Variants in NBAS observed in about 807,000 individuals in gnomAD.
The protein encoded by NBAS is NBAS subunit of NRZ tethering complex.
A neutral mutation model predicts 302.5 loss-of-function variants in NBAS; 219 were observed. That is an observed-to-expected ratio of 0.72 (90% CI 0.65 to 0.81). The LOEUF is 0.81. Ranked by LOEUF, NBAS falls within the 30% of genes least tolerant of loss-of-function variation. The pLI is 0.00. For missense variants in NBAS, 2,932 were observed against 2,841.6 expected (o/e 1.03, Z -0.72); for synonymous variants, 1,118 against 1,021.6 (o/e 1.09, Z -1.80).
At chr2:15,037,929 T>C in the NBAS span, among the ~76,000 whole-genome samples, 1 of 152,260 alleles carries the variant, frequency 6.6e-6, no homozygotes, top group African/African-American at 2.4e-5. Context: ...TTGCTAATTG[T>C]GGTGCTGTGG....
intron 12 of NBAS, chr2:15,483,465 C>T (rs1680510483): frequency 4.0e-6 from 1 of 252,888 alleles, no homozygotes; most frequent in Non-Finnish European, 8.3e-6. Flanking sequence ...AATAATAAAA[C>T]TTGAGAGAAA....
chr2:15,358,914 C>T (rs562400399), intron 32 of NBAS, among the ~76,000 whole-genome samples: 6 of 152,090 alleles, frequency 3.9e-5, no homozygotes, highest in African/African-American at 7.2e-5. Context: ...TTCTGGCATG[C>T]GGGTTATTTC....
chr2:15,346,095 G>C (rs1028002263), intron 35 of NBAS, among the ~76,000 whole-genome samples: 3 of 152,118 alleles, frequency 2.0e-5, no homozygotes, highest in African/African-American at 7.2e-5. Flanking sequence ...ACATCGGCAA[G>C]GGCAAAGACT....
At chr2:14,893,012 T>A in the NBAS span, among the ~76,000 whole-genome samples, 1 of 152,242 alleles carries the variant, frequency 6.6e-6, no homozygotes, top group African/African-American at 2.4e-5. Flanking sequence ...AATGGTTAGC[T>A]AAAACTCAGC....
At chr2:14,784,065 T>G in the NBAS span, among the ~76,000 whole-genome samples, 1 of 152,172 alleles carries the variant, frequency 6.6e-6, no homozygotes, top group East Asian at 1.9e-4. Flanking sequence ...ATTTCTCTGA[T>G]GGCCAGTGAT....
At position 15,308,318 on chromosome 2, in the gene NBAS, G is replaced by T; in HGVS notation, c.4695C>A (p.Ser1565=). 2 of 1,614,064 alleles carry T rather than the reference G, an allele frequency of 1.2e-6. No individual in the cohort carries two copies. The highest frequency in any genetic ancestry group is 1.7e-6 in the Non-Finnish European group (2 of 1,180,004). Residue 1565 remains serine, a synonymous_variant, in exon 40 of 52, where the codon TCC becomes TCA. Coordinates refer to ENST00000281513, the MANE Select transcript of NBAS (RefSeq NM_015909.4). ...LDANRCFEKQ[S]PSALSLQLAA... is the part of the protein sequence containing the mutation. ...CCAGCTGGAGAGATAATGCAGAGGG[G>T]GACTGCTTTTCAAAGCACCGGTTAG...
the NBAS span, among the ~76,000 whole-genome samples, chr2:14,943,417 T>C: frequency 1.3e-5 from 2 of 152,226 alleles, no homozygotes; most frequent in African/African-American, 4.8e-5. Flanking sequence ...TAAAAAAGCG[T>C]ATCTGCTGTA....
chr2:14,811,079 C>CT, the NBAS span, among the ~76,000 whole-genome samples: 2 of 152,100 alleles, frequency 1.3e-5, no homozygotes, highest in African/African-American at 4.8e-5. Flanking sequence ...AAGATAGTGG[C>CT]TAATGATATA....
At chr2:15,083,634 A>G in the NBAS span, among the ~76,000 whole-genome samples, 31 of 152,266 alleles carry the variant, frequency 2.0e-4, no homozygotes, top group African/African-American at 7.5e-4. Flanking sequence ...TACCAACATA[A>G]TATACAGAAT....
intron 44 of NBAS, among the ~76,000 whole-genome samples, chr2:15,238,979 T>C (rs555831256): frequency 6.6e-6 from 1 of 152,292 alleles, no homozygotes; most frequent in African/African-American, 2.4e-5. Flanking sequence ...AGGAGTCATT[T>C]CTACAGCCAT....
intron 31 of NBAS, among the ~76,000 whole-genome samples, chr2:15,367,911 T>C (rs937551330): frequency 6.6e-6 from 1 of 152,206 alleles, no homozygotes; most frequent in African/African-American, 2.4e-5. Context: ...CCTTCACACA[T>C]GTCCATGTGC....
chr2:15,437,596 C>T (rs181720350), intron 21 of NBAS, among the ~76,000 whole-genome samples: 2 of 152,264 alleles, frequency 1.3e-5, no homozygotes, highest in Admixed American at 1.3e-4. Context: ...ATAAGTCTAA[C>T]ACACTTTAGT....
the NBAS span, among the ~76,000 whole-genome samples, chr2:15,131,315 C>A: frequency 6.6e-6 from 1 of 152,154 alleles, no homozygotes. Flanking sequence ...GAGAACGAGA[C>A]TATATTGCTT....
the NBAS span, among the ~76,000 whole-genome samples, chr2:15,096,212 C>T: frequency 2.0e-5 from 3 of 152,336 alleles, no homozygotes; most frequent in East Asian, 1.9e-4. Flanking sequence ...CAAAGCCCCA[C>T]ATTCATAACT....
chr2:15,220,114 CT>C (rs1666877320), intron 47 of NBAS, among the ~76,000 whole-genome samples: 2 of 147,910 alleles, frequency 1.4e-5, no homozygotes, highest in African/African-American at 5.0e-5. Flanking sequence ...GACGGGGCGG[CT>C]GGCCGGGCGG....
At chr2:15,238,847 A>G (rs1299761929) in intron 44 of NBAS, among the ~76,000 whole-genome samples, 161 bp from the exon 45 acceptor site, 2 of 152,194 alleles carry the variant, frequency 1.3e-5, no homozygotes, top group African/African-American at 4.8e-5. Flanking sequence ...AAGAAAACAA[A>G]AAGTGAGGTG....
In NBAS at chr2:15,503,307, T is replaced by G. The variant is rs566062538; in HGVS notation, c.954+838A>C. Among the ~76,000 whole-genome samples the G allele has an allele frequency of 3.3e-5, 5 of 152,282 alleles. No homozygotes were observed. The South Asian group carries it at 1.0e-3, about 32-fold the overall frequency. ...GTACAGTACAGTCAAGCCTTCCATA[T>G]CCACAGGTTCCACATCCTCTGATTC... On this transcript the variant is annotated intron_variant, in intron 11 of 51. Transcript: ENST00000281513.
chr2:15,237,129 A>G (rs1667630613), intron 45 of NBAS, among the ~76,000 whole-genome samples: 1 of 152,224 alleles, frequency 6.6e-6, no homozygotes, highest in South Asian at 2.1e-4. Context: ...GGCAAATGGA[A>G]TATTATTCAT....
the NBAS span, among the ~76,000 whole-genome samples, chr2:15,024,515 T>A: frequency 2.9e-4 from 44 of 152,190 alleles, 2 homozygotes; most frequent in Non-Finnish European, 2.9e-5. Context: ...ATGGTAGTTC[T>A]GTTTTTAGTT....
Sources: allele counts gnomAD v4.1 joint callset (sites outside exome capture counted in the v4.1 genomes callset), GRCh38; gene constraint gnomAD v4.1.1; transcripts MANE v1.5; gene names NCBI Gene and HGNC (gene_info 2026-07-23, HGNC 2026-07-21).